SLC8B1: variants seen among roughly 807,000 people sequenced by gnomAD.
SLC8B1 encodes solute carrier family 8 member B1.
A neutral mutation model predicts 63.4 loss-of-function variants in SLC8B1; 52 were observed. That is an observed-to-expected ratio of 0.82 (90% CI 0.66 to 1.03). SLC8B1 has a LOEUF of 1.03. SLC8B1 is among the 50% of genes least tolerant of loss of function. The pLI, the probability that SLC8B1 is intolerant of heterozygous loss-of-function variation, is 0.00. For missense variants in SLC8B1, 657 were observed against 741.7 expected, an observed-to-expected ratio of 0.89 and a Z score of 1.33; for synonymous variants, 336 against 323.9, an observed-to-expected ratio of 1.04 and a Z score of -0.40.
At chr12:113,325,003 C>CCTGAATTTTTTTTGTCTGCATTCTTGT (rs1956979567) in intron 2 of SLC8B1, among the ~76,000 whole-genome samples, 1 of 152,184 alleles carries the variant, frequency 6.6e-6, no homozygotes, top group African/African-American at 2.4e-5. Context: ...CATGCCCAAC[C>CCTGAATTTTTTTTGTCTGCATTCTTGT]AGCTCTACCA....
chr12:113,315,210 C>T lies in SLC8B1; in HGVS notation c.1135+125G>A, dbSNP rs1004708818. 20 of 1,015,774 alleles carry T rather than the reference C, an allele frequency of 2.0e-5. No individual in the cohort carries two copies. The African/African-American group carries it at 2.4e-4, about 12-fold the overall frequency. The allele number at this position is 1,015,774 out of a possible 1,614,324, so 62.9% of individuals were successfully genotyped here. A position where few individuals can be genotyped will look rare whatever the true frequency, so the allele number is the denominator to read the frequency against. ...CTTAGATGGGATGATTGCTTGAACCCGAGAGGTGGAGGGAGGTTGCAGTGA... is the reference window on the plus strand; with the variant it reads ...CTTAGATGGGATGATTGCTTGAACCTGAGAGGTGGAGGGAGGTTGCAGTGA... On this transcript the variant is annotated intron_variant, in intron 11 of 15. Transcript: ENST00000680972.
At chr12:113,322,853 G>A (rs1956949482) in intron 2 of SLC8B1, among the ~76,000 whole-genome samples, 1 of 152,212 alleles carries the variant, frequency 6.6e-6, no homozygotes, top group Non-Finnish European at 1.5e-5. Flanking sequence ...AGGAGGAGGA[G>A]GTGGGAGGAG....
intron 11 of SLC8B1, 132 bp from the exon 12 acceptor site, chr12:113,310,487 A>T (rs779593557): frequency 1.0e-5 from 12 of 1,202,186 alleles, no homozygotes; most frequent in Non-Finnish European, 1.3e-5. Flanking sequence ...GGGGCAGAAA[A>T]ATTTAAAATG....
chr12:113,302,776 C>T, intron 15 of SLC8B1: 2 of 455,324 alleles, frequency 4.4e-6, no homozygotes, highest in South Asian at 3.1e-5. Flanking sequence ...TAACCAATGC[C>T]TATCCTCCTC....
chr12:113,310,425 G>T, intron 11 of SLC8B1, 70 bp from the exon 12 acceptor site: 1 of 1,555,514 alleles, frequency 6.4e-7, no homozygotes, highest in Non-Finnish European at 8.7e-7. Context: ...GGACTATTTG[G>T]ATGTCAGGTA....
intron 15 of SLC8B1, among the ~76,000 whole-genome samples, chr12:113,303,114 G>GACACACACACAC (rs57763094): frequency 1.5e-4 from 21 of 140,940 alleles, no homozygotes; most frequent in South Asian, 4.6e-4. Context: ...AAAGGCGGTG[G>GACACACACACAC]ACACACACAC....
Position 113,310,340 on chromosome 12 carries a change from A to G in SLC8B1, c.1151T>C (p.Ile384Thr), listed in dbSNP as rs778797671. 88 of 1,613,754 alleles carry G rather than the reference A, an allele frequency of 5.5e-5. No individual in the cohort carries two copies. The highest frequency in any genetic ancestry group is 8.4e-5 in the Admixed American group (5 of 59,860). The change falls in exon 12 of 16, where the codon ATA becomes ACA. Residue 384 changes from isoleucine to threonine, a missense_variant. Physicochemically the swap from Ile to Thr is moderately conservative, Grantham distance 89. Coordinates refer to ENST00000680972, the MANE Select transcript of SLC8B1 (RefSeq NM_001358345.2). ...LQSGTYGVYE[I>T]GGLVPVWVVV... ...GACCCAGACGGGAACGAGGCCGCCT[A>G]TCTCATAGACACCATCTGCAAAGGG...
At chr12:113,300,215 T>G (rs370184335) in intron 15 of SLC8B1, among the ~76,000 whole-genome samples, 1 of 152,218 alleles carries the variant, frequency 6.6e-6, no homozygotes, top group Non-Finnish European at 1.5e-5. Context: ...CAGTGGCTCA[T>G]GCCTGTAATT....
At position 113,321,191 on chromosome 12, in the gene SLC8B1, C is replaced by T. The variant is rs775982876; in HGVS notation, c.309+5G>A. 6.2e-7 allele frequency: 1 copy of T among 1,614,070 alleles called. No homozygotes were observed. The highest frequency in any genetic ancestry group is 1.7e-5 in the Admixed American group (1 of 60,020). ...TCTCACCAGCCCCCCAGGGCAGGGC[C>T]TCACGTAGAGAGTGACAGCCAGAGG... On this transcript the variant is annotated splice_donor_5th_base_variant and intron_variant, in intron 3 of 15. Transcript: ENST00000680972.
Position 113,320,892 on chromosome 12 carries a change from C to T in SLC8B1, c.378G>A (p.Leu126=). 1 of 1,606,390 alleles carries T rather than the reference C, an allele frequency of 6.2e-7. No individual in the cohort carries two copies. The highest frequency in any genetic ancestry group is 8.5e-7 in the Non-Finnish European group (1 of 1,177,352). Residue 126 remains leucine, a synonymous_variant, in exon 5 of 16, where the codon TTG becomes TTA. Coordinates refer to ENST00000680972, the MANE Select transcript of SLC8B1 (RefSeq NM_001358345.2). This position sits in a 1 kb window ranked among gnomAD's most constrained non-coding sequence, Gnocchi z 5.3. ...VTAAKFFCPN[L]SAISTTLKLS... The stretch of plus-strand genomic sequence containing the variant: ...GCTTCAGTGTGGTAGAAATGGCCGA[C>T]AAGTTGGGGCAGAAACTACGGAGAA...
intron 13 of SLC8B1, chr12:113,306,780 A>C: frequency 3.6e-6 from 2 of 550,126 alleles, no homozygotes; most frequent in Non-Finnish European, 6.5e-6. Flanking sequence ...CCTTTACCCC[A>C]CTCTTTCACA....
intron 15 of SLC8B1, among the ~76,000 whole-genome samples, chr12:113,303,927 C>T (rs940886599): frequency 2.0e-5 from 3 of 152,166 alleles, no homozygotes; most frequent in Non-Finnish European, 4.4e-5. Context: ...GTCGCCCAGG[C>T]TGGAGTGCAG....
At chr12:113,326,657 G>C (rs1028734453) in intron 2 of SLC8B1, among the ~76,000 whole-genome samples, 1 of 150,522 alleles carries the variant, frequency 6.6e-6, no homozygotes, top group Admixed American at 6.6e-5. Context: ...TGTGAGCACT[G>C]TGACTGGCCT....
intron 13 of SLC8B1, among the ~76,000 whole-genome samples, chr12:113,307,413 A>ATGGGCTCCATGTCCTGCCTGAAC (rs1396549248): frequency 1.2e-4 from 18 of 152,240 alleles, no homozygotes; most frequent in Non-Finnish European, 2.1e-4. Flanking sequence ...GCCGGCTGCA[A>ATGGGCTCCATGTCCTGCCTGAAC]TGGGCTCCAT....
Position 113,321,198 on chromosome 12 carries a change from A to T in SLC8B1, c.307T>A (p.Tyr103Asn). 1 of 1,613,978 alleles carries T rather than the reference A, an allele frequency of 6.2e-7. No individual in the cohort carries two copies. The highest frequency in any genetic ancestry group is 8.5e-7 in the Non-Finnish European group (1 of 1,179,832). ...AGCCCCCCAGGGCAGGGCCTCACGT[A>T]GAGAGTGACAGCCAGAGGGAGGAGG... is the stretch of plus-strand genomic sequence containing the variant. ...PSLLPLAVTL[Y>N]VSWLLYLFLI... is the part of the protein sequence containing the mutation. Residue 103 changes from tyrosine to asparagine, a missense_variant and splice_region_variant, in exon 3 of 16, where the codon TAC becomes AAC. Tyr to Asn is a moderately radical substitution (Grantham distance 143, BLOSUM62 -2). Transcript: ENST00000680972.
At position 113,320,050 on chromosome 12, in the gene SLC8B1, C is replaced by A. The variant is rs1593253288; in HGVS notation, c.694+281G>T. On this transcript the variant is annotated intron_variant, in intron 7 of 15. Coordinates refer to ENST00000680972, the MANE Select transcript of SLC8B1 (RefSeq NM_001358345.2). The surrounding 1 kb of genome is among the most constrained non-coding windows in gnomAD (Gnocchi z 5.3). ...CAAAGTGATCCTCCTGCCTCAGCCT[C>A]TCAAATTGCTGGGATGATAGGTGTG... 2.7e-6 allele frequency: 1 copy of A among 374,506 alleles called. No homozygotes were observed. Among genetic ancestry groups the A allele is most frequent in the East Asian group, 5.1e-5 (1 of 19,518 alleles). 23.2% of individuals were successfully genotyped at this position (374,506 alleles called of 1,614,324 possible).
rs149360445 is a variant in SLC8B1 at position 113,310,290 on chromosome 12, A to T, written c.1201T>A (p.Leu401Met). ...GTGGCAAAAAAGGTCACTGAAGCCA[A>T]GGCTGTGCCTGCGATCACCACCACG... ...WVVVVIAGTA[L>M]ASVTFFATSD... is the part of the protein sequence containing the mutation. Residue 401 changes from leucine to methionine, a missense_variant, in exon 12 of 16, where the codon TTG (leucine) becomes ATG (methionine). Transcript: ENST00000680972. The T allele has an allele frequency of 2.2e-5, 36 of 1,614,058 alleles. No homozygotes were observed. In the African/African-American group the frequency reaches 4.8e-4, roughly 22 times the overall value.
In SLC8B1 at chr12:113,304,315, A is replaced by C. The variant is rs751115918; in HGVS notation, c.1557+6T>G. On this transcript the variant is annotated splice_donor_region_variant and intron_variant, in intron 15 of 15. Transcript: ENST00000680972. Reference sequence around the variant, plus strand: ...ATACACTTGTAAACTTACAAGGAATACTCACCTTCACTTCTGTGTGGCTTC... The same window carrying C: ...ATACACTTGTAAACTTACAAGGAATCCTCACCTTCACTTCTGTGTGGCTTC... 9.3e-6 allele frequency: 15 copies of C among 1,613,672 alleles called. No homozygotes were observed. In the South Asian group the frequency reaches 1.6e-4, roughly 18 times the overall value.
At chr12:113,303,113 G>GGA (rs1956618491) in intron 15 of SLC8B1, among the ~76,000 whole-genome samples, 1 of 114,408 alleles carries the variant, frequency 8.7e-6, no homozygotes, top group African/African-American at 4.5e-5. Flanking sequence ...CAAAGGCGGT[G>GGA]GACACACACA....
Sources: gnomAD v4.1 joint callset for allele counts (sites outside exome capture counted in the v4.1 genomes callset) on GRCh38, gnomAD v4.1.1 for gene constraint, Gnocchi (gnomAD v3.1) non-coding constraint, MANE v1.5 for transcripts, NCBI Gene and HGNC (gene_info 2026-07-23, HGNC 2026-07-21) for gene names.